The following NCOR2 variants were observed in gnomAD, a reference collection of about 807,000 sequenced individuals.
NCOR2 encodes nuclear receptor corepressor 2.
Under a neutral mutation model 262.9 loss-of-function variants are expected in NCOR2, and 81 were observed. That is an observed-to-expected ratio of 0.31 (90% confidence interval 0.26 to 0.37). NCOR2 has a LOEUF of 0.37. NCOR2 is among the 10% of genes least tolerant of loss of function. The probability of loss-of-function intolerance (pLI) is 1.00; values close to 1 mark genes in which losing one functional copy is unlikely to be tolerated. For missense variants in NCOR2, 3,385 were observed against 3,621.4 expected (o/e 0.93, Z 1.68); for synonymous variants, 1,659 against 1,559.3 (o/e 1.06, Z -1.51).
Position 124,517,690 on chromosome 12 carries a change from C to A in NCOR2, c.-118+17875G>T, listed in dbSNP as rs541924900. 2.6e-5 allele frequency among the ~76,000 whole-genome samples: 4 copies of A among 152,232 alleles called. No individual in the cohort carries two copies. Among genetic ancestry groups the A allele is most frequent in the African/African-American group, 7.2e-5 (3 of 41,472 alleles). On this transcript the variant is annotated intron_variant, in intron 1 of 46. Coordinates refer to the NCOR2 transcript ENST00000404621. The surrounding 1 kb of genome is among the most constrained non-coding windows in gnomAD (Gnocchi z 7.6). ...GCCCCCAAGGCTCGCCATGCTCCCC[C>A]CCAGGGACGCCGGATGTGCACCAAG...
At chr12:124,387,504 G>A (rs1031775991) in intron 16 of NCOR2, among the ~76,000 whole-genome samples, 3 of 152,238 alleles carry the variant, frequency 2.0e-5, no homozygotes, top group Non-Finnish European at 4.4e-5. Context: ...GGGGGGCAAC[G>A]CGGGCGTGGG....
At chr12:124,346,632 C>T (rs773358840) in exon 31 of NCOR2, 13 of 1,594,242 alleles carry the variant, frequency 8.2e-6, no homozygotes, top group South Asian at 4.5e-5. Context: ...CGCAGCTCCT[C>T]GCGCGGGATC....
chr12:124,470,876 T>C (rs1593701158), intron 4 of NCOR2, among the ~76,000 whole-genome samples: 1 of 152,252 alleles, frequency 6.6e-6, no homozygotes, highest in South Asian at 2.1e-4. Context: ...AACCTAACCA[T>C]TGAGGGCTGC....
chr12:124,422,081 G>A (rs2043235850), intron 12 of NCOR2, among the ~76,000 whole-genome samples: 1 of 152,226 alleles, frequency 6.6e-6, no homozygotes, highest in African/African-American at 2.4e-5. Flanking sequence ...TCCCTTTGAG[G>A]CACGCCACTC....
chr12:124,329,542 A>G (rs192980117), intron 44 of NCOR2, among the ~76,000 whole-genome samples: 1 of 152,284 alleles, frequency 6.6e-6, no homozygotes, highest in East Asian at 1.9e-4. Context: ...GGAGTTCAAG[A>G]CTAGCCTGGG....
chr12:124,388,206 G>C (rs1000969074), intron 16 of NCOR2, among the ~76,000 whole-genome samples: 1 of 152,162 alleles, frequency 6.6e-6, no homozygotes, highest in East Asian at 1.9e-4. Flanking sequence ...TCTGCTCTCC[G>C]GCCTCAGTTT....
intron 11 of NCOR2, among the ~76,000 whole-genome samples, 175 bp from the exon 14 acceptor site, chr12:124,422,730 G>C (rs1480903805): frequency 6.6e-6 from 1 of 152,214 alleles, no homozygotes; most frequent in Non-Finnish European, 1.5e-5. Context: ...AGACGGGAGG[G>C]GTGGGGACCC....
intron 8 of NCOR2, among the ~76,000 whole-genome samples, chr12:124,437,125 G>C (rs1437620904): frequency 6.6e-6 from 1 of 151,368 alleles, no homozygotes; most frequent in African/African-American, 2.4e-5. Context: ...AAAATGAAAT[G>C]AAATGTAATG....
chr12:124,344,268 T>C (rs563926828), intron 32 of NCOR2, among the ~76,000 whole-genome samples: 87 of 152,300 alleles, frequency 5.7e-4, no homozygotes, highest in African/African-American at 2.0e-3. Flanking sequence ...TGTGTGAAGT[T>C]GCTAGAAGGA....
intron 5 of NCOR2, among the ~76,000 whole-genome samples, chr12:124,461,687 G>A (rs918714070): frequency 4.6e-5 from 7 of 152,166 alleles, no homozygotes; most frequent in Non-Finnish European, 7.4e-5. Flanking sequence ...CCCCACACCC[G>A]CCATCTCACG....
chr12:124,521,931 T>C lies in NCOR2; in HGVS notation c.-118+13634A>G, dbSNP rs141566086. Among the ~76,000 whole-genome samples the C allele has an allele frequency of 1.4e-4, 21 of 152,244 alleles. 1 individual carries two copies. The highest frequency in any genetic ancestry group is 5.1e-4 in the African/African-American group (21 of 41,538). ...TACTCAGGAGGCTGAGGTAAGAGAATTGCTTGAACCAGGAGGCAGAGGCTG... is the reference window on the plus strand; with the variant it reads ...TACTCAGGAGGCTGAGGTAAGAGAACTGCTTGAACCAGGAGGCAGAGGCTG... On this transcript the variant is annotated intron_variant, in intron 1 of 46. Coordinates refer to the NCOR2 transcript ENST00000404621.
At chr12:124,505,790 G>C (rs2049008579) in intron 1 of NCOR2, among the ~76,000 whole-genome samples, 1 of 152,156 alleles carries the variant, frequency 6.6e-6, no homozygotes, top group Non-Finnish European at 1.5e-5. Flanking sequence ...GGAGGTGATG[G>C]CGATGATGTT....
chr12:124,402,349 G>A, intron 14 of NCOR2, 55 bp downstream of exon 16: 2 of 1,605,844 alleles, frequency 1.2e-6, no homozygotes, highest in Non-Finnish European at 1.7e-6. Flanking sequence ...AGAACCGTGT[G>A]CCACCCGGGT....
intron 3 of NCOR2, among the ~76,000 whole-genome samples, chr12:124,475,128 G>A (rs2047035829): frequency 6.6e-6 from 1 of 152,180 alleles, no homozygotes; most frequent in South Asian, 2.1e-4. Flanking sequence ...TACCATGTGA[G>A]ATGTGGGGGC....
rs969880752 is a variant in NCOR2, at chr12:124,504,335, G to A, written c.-117-8967C>T. Among the ~76,000 whole-genome samples the A allele has an allele frequency of 6.6e-6, 1 of 152,172 alleles. No homozygotes were observed. Among genetic ancestry groups the A allele is most frequent in the Non-Finnish European group, 1.5e-5 (1 of 68,038 alleles). On this transcript the variant is annotated intron_variant, in intron 1 of 46. Transcript: ENST00000404621. The surrounding 1 kb of genome is among the most constrained non-coding windows in gnomAD (Gnocchi z 4.5). ...CTGGGACTTGCTTCCTCACCCCAGGGTCAGCTCAGCTAAGCCCCAGAGACC... is the reference window on the plus strand; with the variant it reads ...CTGGGACTTGCTTCCTCACCCCAGGATCAGCTCAGCTAAGCCCCAGAGACC...
intron 13 of NCOR2, among the ~76,000 whole-genome samples, chr12:124,417,963 A>T (rs1278082967): frequency 6.6e-6 from 1 of 150,704 alleles, no homozygotes; most frequent in Non-Finnish European, 1.5e-5. Context: ...TGGGAGGCTG[A>T]GGCATGAGAA....
chr12:124,340,531 C>T, intron 35 of NCOR2, 71 bp downstream of exon 37: 1 of 1,547,154 alleles, frequency 6.5e-7, no homozygotes, highest in Non-Finnish European at 8.7e-7. Flanking sequence ...AGCAGGGCTT[C>T]TGCCCGCCCA....
intron 11 of NCOR2, among the ~76,000 whole-genome samples, chr12:124,424,018 A>C (rs73225424): frequency 0.047 from 7,146 of 152,218 alleles, 186 homozygotes; most frequent in Non-Finnish European, 0.059. Context: ...TGAGGCATGC[A>C]AGTGGCCAAG....
chr12:124,375,535 G>A (rs2039923209), intron 18 of NCOR2, among the ~76,000 whole-genome samples: 1 of 152,220 alleles, frequency 6.6e-6, no homozygotes, highest in African/African-American at 2.4e-5. Context: ...TCCAGGTGAA[G>A]TGCTTTGTGC....
Sources: allele counts gnomAD v4.1 joint callset (sites outside exome capture counted in the v4.1 genomes callset), GRCh38; gene constraint gnomAD v4.1.1; non-coding constraint Gnocchi (gnomAD v3.1); transcripts MANE v1.5; gene names NCBI Gene and HGNC (gene_info 2026-07-23, HGNC 2026-07-21).